Variants in TBX15 observed in about 807,000 individuals in gnomAD.
TBX15 encodes the protein T-box transcription factor 15.
TBX15 carries 18 observed loss-of-function variants against 53.9 expected under a neutral mutation model. The ratio of observed to expected loss-of-function variants is 0.33; its 90% CI spans 0.23 to 0.49. The LOEUF (loss-of-function observed/expected upper bound fraction) is 0.49, where lower values mean the gene tolerates loss of function less well. TBX15 is among the 20% of genes least tolerant of loss of function. The pLI, the probability that TBX15 is intolerant of heterozygous loss-of-function variation, is 0.98. For missense variants in TBX15, 692 were observed against 749.5 expected (o/e 0.92, Z 0.90); for synonymous variants, 295 against 278.0 (o/e 1.06, Z -0.61).
chr1:118,968,051 G>A (rs1657112000), intron 1 of TBX15, among the ~76,000 whole-genome samples: 1 of 152,162 alleles, frequency 6.6e-6, no homozygotes, highest in Admixed American at 6.5e-5. Flanking sequence ...TATACTGGTA[G>A]AACTATTACA....
intron 1 of TBX15, among the ~76,000 whole-genome samples, chr1:118,935,989 C>T (rs1156961195): frequency 6.6e-6 from 1 of 152,132 alleles, no homozygotes; most frequent in Non-Finnish European, 1.5e-5. Flanking sequence ...TCCCCAAAAG[C>T]ACACTAGGTT....
rs778005552 is a variant in TBX15 at position 118,885,519 on chromosome 1, G to A, written c.1025-3C>T. 1.9e-6 allele frequency: 3 copies of A among 1,575,108 alleles called. No homozygotes were observed. The highest frequency in any genetic ancestry group is 2.6e-6 in the Non-Finnish European group (3 of 1,158,522). ...TGGGGAAGTGCCTGTGCTGCCTCCT[G>A]AAAAATAAAACGTGAATACTATTGA... On this transcript the variant is annotated splice_polypyrimidine_tract_variant and splice_region_variant and intron_variant, in intron 7 of 7. Transcript: ENST00000369429.
At position 118,884,692 on chromosome 1, in the gene TBX15, GCCTTGATTGCCAAATGCT is replaced by G; in HGVS notation, c.*22_*39del. ...AGGATCTGACCACGGAGACTCTGGGGCCTTGATTGCCAAATGCTCCGTGGTGTTTGGACTGGCCTTTAA... is the reference window on the plus strand; with the variant it reads ...AGGATCTGACCACGGAGACTCTGGGGCCGTGGTGTTTGGACTGGCCTTTAA... On this transcript the variant is annotated 3_prime_UTR_variant, in exon 8 of 8. Coordinates refer to ENST00000369429, the MANE Select transcript of TBX15 (RefSeq NM_001330677.2). The G allele has an allele frequency of 6.2e-7, 1 of 1,612,998 alleles. No individual in the cohort carries two copies. The highest frequency in any genetic ancestry group is 8.5e-7 in the Non-Finnish European group (1 of 1,179,442).
chr1:118,906,482 C>T (rs570826931), intron 6 of TBX15, among the ~76,000 whole-genome samples: 8 of 152,230 alleles, frequency 5.3e-5, no homozygotes, highest in Admixed American at 3.3e-4. Context: ...TTACATTCCA[C>T]CTTCCATTGG....
chr1:118,937,951 C>G (rs983124816), intron 1 of TBX15, among the ~76,000 whole-genome samples: 1 of 152,170 alleles, frequency 6.6e-6, no homozygotes, highest in Non-Finnish European at 1.5e-5. Context: ...GTACCAGGAG[C>G]AAGTAAGTTC....
intron 5 of TBX15, among the ~76,000 whole-genome samples, chr1:118,915,638 T>C (rs1273123890): frequency 6.6e-6 from 1 of 152,228 alleles, no homozygotes; most frequent in East Asian, 1.9e-4. Context: ...AGAGTGTCAC[T>C]GCTTTTCTGT....
chr1:118,978,075 T>C (rs1657497499), intron 1 of TBX15, among the ~76,000 whole-genome samples: 1 of 152,232 alleles, frequency 6.6e-6, no homozygotes, highest in African/African-American at 2.4e-5. Context: ...TTAAATTCGC[T>C]AATGCCGTAG....
chr1:118,979,181 T>G (rs1236974394), intron 1 of TBX15, among the ~76,000 whole-genome samples: 1 of 151,840 alleles, frequency 6.6e-6, no homozygotes, highest in Non-Finnish European at 1.5e-5. Flanking sequence ...ACTCTGCTTT[T>G]ACACTTGGTT....
chr1:118,884,622 A>AC lies in TBX15; in HGVS notation c.*109_*110insG. On this transcript the variant is annotated 3_prime_UTR_variant, in exon 8 of 8. Coordinates refer to ENST00000369429, the MANE Select transcript of TBX15 (RefSeq NM_001330677.2). ...TTCGGCCAGAAAAAAAAAAAAAAAAAAAACACGGTTCCTGTTTTTCAAAGA... is the reference window on the plus strand; with the variant it reads ...TTCGGCCAGAAAAAAAAAAAAAAAAACAAACACGGTTCCTGTTTTTCAAAGA... 1.5e-6 allele frequency: 2 copies of AC among 1,376,604 alleles called. No homozygotes were observed. Among genetic ancestry groups the AC allele is most frequent in the Non-Finnish European group, 9.9e-7 (1 of 1,009,614 alleles). 85.3% of individuals were successfully genotyped at this position (1,376,604 alleles called of 1,614,324 possible). A position where few individuals can be genotyped will look rare whatever the true frequency, so the allele number is the denominator to read the frequency against.
intron 1 of TBX15, among the ~76,000 whole-genome samples, chr1:118,947,914 G>C (rs978650905): frequency 2.6e-5 from 4 of 152,138 alleles, no homozygotes; most frequent in Admixed American, 6.6e-5. Flanking sequence ...TTAACTGCTT[G>C]CTCCTATGAG....
intron 6 of TBX15, among the ~76,000 whole-genome samples, chr1:118,901,725 C>A (rs1654636100): frequency 1.3e-5 from 2 of 152,040 alleles, no homozygotes; most frequent in South Asian, 4.1e-4. Context: ...ATATATATCC[C>A]CAGGAAAATT....
At chr1:118,961,779 G>A (rs1180851500) in intron 1 of TBX15, among the ~76,000 whole-genome samples, 3 of 152,076 alleles carry the variant, frequency 2.0e-5, no homozygotes, top group African/African-American at 7.2e-5. Context: ...GCTACCTGGG[G>A]GACTCTCTGG....
At chr1:118,971,569 A>G (rs1238213221) in intron 1 of TBX15, among the ~76,000 whole-genome samples, 2 of 152,222 alleles carry the variant, frequency 1.3e-5, no homozygotes, top group African/African-American at 2.4e-5. Context: ...TTCTTCCAAA[A>G]AGTTATAATT....
At chr1:118,902,150 TTA>T (rs1261384584) in intron 6 of TBX15, among the ~76,000 whole-genome samples, 1 of 152,122 alleles carries the variant, frequency 6.6e-6, no homozygotes, top group African/African-American at 2.4e-5. Context: ...TCTCATAGAT[TTA>T]TATTATTGAT....
At chr1:118,966,639 G>A (rs964288227) in intron 1 of TBX15, among the ~76,000 whole-genome samples, 1 of 152,216 alleles carries the variant, frequency 6.6e-6, no homozygotes, top group Non-Finnish European at 1.5e-5. Flanking sequence ...GGTATATTGA[G>A]GCTGGGCATT....
At chr1:118,918,490 T>C (rs1430378691) in intron 5 of TBX15, among the ~76,000 whole-genome samples, 1 of 152,174 alleles carries the variant, frequency 6.6e-6, no homozygotes, top group Non-Finnish European at 1.5e-5. Context: ...AAAAATCCTA[T>C]ACTAATAGAA....
At chr1:118,899,606 G>T (rs939068521) in intron 6 of TBX15, among the ~76,000 whole-genome samples, 12 of 152,096 alleles carry the variant, frequency 7.9e-5, no homozygotes, top group African/African-American at 2.9e-4. Flanking sequence ...GGTTTTAAAG[G>T]CTTCTTAAAT....
At position 118,988,283 on chromosome 1, in the gene TBX15, T is replaced by A. The variant is rs1219284221; in HGVS notation, c.-488A>T. Reference sequence around the variant, plus strand: ...TTTTTTTTCCGCTAAATTCCTCCCTTCCCGAGGAACAGGGGGCAGGCGGTG... The same window carrying A: ...TTTTTTTTCCGCTAAATTCCTCCCTACCCGAGGAACAGGGGGCAGGCGGTG... On this transcript the variant is annotated 5_prime_UTR_variant, in exon 1 of 8. Transcript: ENST00000369429. 1 of 155,032 alleles carries A rather than the reference T, an allele frequency of 6.5e-6. No individual in the cohort carries two copies. The highest frequency in any genetic ancestry group is 1.4e-5 in the Non-Finnish European group (1 of 70,410). 9.6% of individuals were successfully genotyped at this position (155,032 alleles called of 1,614,324 possible). A position where few individuals can be genotyped will look rare whatever the true frequency, so the allele number is the denominator to read the frequency against.
chr1:118,932,783 A>T (rs2101616626), intron 1 of TBX15, among the ~76,000 whole-genome samples: 1 of 152,264 alleles, frequency 6.6e-6, no homozygotes, highest in Non-Finnish European at 1.5e-5. Context: ...TTAAATATTT[A>T]CCTTTAGGAG....
Sources: gnomAD v4.1 joint callset for allele counts (sites outside exome capture counted in the v4.1 genomes callset) on GRCh38, gnomAD v4.1.1 for gene constraint, MANE v1.5 for transcripts, NCBI Gene and HGNC (gene_info 2026-07-23, HGNC 2026-07-21) for gene names.